DENND5B: variants seen among roughly 807,000 people sequenced by gnomAD.
DENND5B encodes the protein DENN domain containing 5B.
In DENND5B, 34 loss-of-function variants were observed where a neutral mutation model predicts 140.6. The observed-to-expected ratio is 0.24, with a 90% CI of 0.18 to 0.32. The LOEUF (loss-of-function observed/expected upper bound fraction) is 0.32, where lower values mean the gene tolerates loss of function less well. DENND5B is among the 10% of genes least tolerant of loss of function. The pLI, the probability that DENND5B is intolerant of heterozygous loss-of-function variation, is 1.00. For missense variants in DENND5B, 1,142 were observed against 1,560.2 expected (o/e 0.73, Z 4.52); for synonymous variants, 551 against 562.1 (o/e 0.98, Z 0.28).
At chr12:31,562,670 A>T (rs547124901) in intron 1 of DENND5B, among the ~76,000 whole-genome samples, 26 of 152,306 alleles carry the variant, frequency 1.7e-4, no homozygotes, top group South Asian at 1.2e-3. Flanking sequence ...GTTGTATACG[A>T]TCTGTGTAAT....
chr12:31,438,936 G>A (rs1565579068), intron 7 of DENND5B, among the ~76,000 whole-genome samples: 1 of 152,126 alleles, frequency 6.6e-6, no homozygotes, highest in Non-Finnish European at 1.5e-5. Context: ...GGCAGAAAAG[G>A]ATAAAGATTA....
chr12:31,509,645 A>ACAAAATATC lies in DENND5B; in HGVS notation c.128-13735_128-13727dup, dbSNP rs201538811. ...AATAAATAACTGGAAAAAATAGTGA[A>ACAAAATATC]CAAAATATCCAAAATAATCCTTGCT... On this transcript the variant is annotated intron_variant, in intron 1 of 20. Coordinates refer to ENST00000389082, the MANE Select transcript of DENND5B (RefSeq NM_144973.4). 9.9e-3 allele frequency among the ~76,000 whole-genome samples: 1,503 copies of ACAAAATATC among 152,326 alleles called. 27 individuals carry two copies. The highest frequency in any genetic ancestry group is 0.034 in the African/African-American group (1,418 of 41,562).
intron 3 of DENND5B, among the ~76,000 whole-genome samples, chr12:31,466,571 T>C (rs1945277806): frequency 6.6e-6 from 1 of 152,042 alleles, no homozygotes; most frequent in Non-Finnish European, 1.5e-5. Context: ...CATGCGCCTG[T>C]AGTCCCAGCT....
At position 31,386,431 on chromosome 12, in the gene DENND5B, G is replaced by C. The variant is rs1178479415; in HGVS notation, c.*1172C>G. 1 of 152,452 alleles carries C rather than the reference G, an allele frequency of 6.6e-6. No individual in the cohort carries two copies. The highest frequency in any genetic ancestry group is 2.4e-5 in the African/African-American group (1 of 41,446). The allele number at this position is 152,452 out of a possible 1,614,324, so 9.4% of individuals were successfully genotyped here. ...ATTTTGTCAGCCTGTGCTGCCAGTG[G>C]CTTTTAGCTTCTCTGGGTCAGTTGT... On this transcript the variant is annotated 3_prime_UTR_variant, in exon 21 of 21. Coordinates refer to ENST00000389082, the MANE Select transcript of DENND5B (RefSeq NM_144973.4).
At chr12:31,458,806 G>A (rs958918347) in intron 4 of DENND5B, among the ~76,000 whole-genome samples, 1 of 152,174 alleles carries the variant, frequency 6.6e-6, no homozygotes, top group South Asian at 2.1e-4. Context: ...GAATTAAATA[G>A]CTAGTGATAT....
intron 6 of DENND5B, among the ~76,000 whole-genome samples, chr12:31,445,702 C>CAA (rs11409295): frequency 3.2e-4 from 47 of 144,618 alleles, no homozygotes; most frequent in Middle Eastern, 3.7e-3. Flanking sequence ...GATTCTGTTT[C>CAA]AAAAAAAAAA....
At position 31,389,393 on chromosome 12, in the gene DENND5B, G is replaced by C. The variant is rs1266132093; in HGVS notation, c.3572C>G (p.Ala1191Gly). The C allele has an allele frequency of 1.6e-5, 26 of 1,613,396 alleles. No individual in the cohort carries two copies. Among genetic ancestry groups the C allele is most frequent in the Non-Finnish European group, 2.1e-5 (25 of 1,179,688 alleles). The change falls in exon 20 of 21, where the codon GCT (alanine) becomes GGT (glycine). Residue 1191 changes from alanine (A) to glycine (G), a missense_variant. Ala to Gly is a moderately conservative substitution (Grantham distance 60). Transcript: ENST00000389082. ...AATGTTCCTGGGTGCAGTATTAATA[G>C]CATTTACGTAGTGGCAGAAGGTTTT... Reference protein sequence around the residue: ...SCKTFCHYVNAINTAPRNIGK... With the variant: ...SCKTFCHYVNGINTAPRNIGK...
At chr12:31,498,972 C>A (rs1274619093) in intron 1 of DENND5B, among the ~76,000 whole-genome samples, 372 of 100,258 alleles carry the variant, frequency 3.7e-3, no homozygotes, top group East Asian at 6.3e-3. Flanking sequence ...GGCTCCGTCT[C>A]AAAAAAAAAA....
At chr12:31,507,944 T>C (rs1947266484) in intron 1 of DENND5B, among the ~76,000 whole-genome samples, 1 of 152,196 alleles carries the variant, frequency 6.6e-6, no homozygotes, top group Non-Finnish European at 1.5e-5. Flanking sequence ...CTTAAGTATT[T>C]ACCTTCTATG....
At chr12:31,424,270 C>A (rs1363550553) in intron 10 of DENND5B, among the ~76,000 whole-genome samples, 1 of 152,172 alleles carries the variant, frequency 6.6e-6, no homozygotes, top group East Asian at 1.9e-4. Context: ...GTGACAAAGG[C>A]AAACATTTAA....
chr12:31,502,344 T>C (rs534399440), intron 1 of DENND5B, among the ~76,000 whole-genome samples: 2 of 152,168 alleles, frequency 1.3e-5, no homozygotes, highest in South Asian at 2.1e-4. Context: ...AAAAACATTA[T>C]ATTCAATCTT....
At chr12:31,534,521 A>C (rs938768014) in intron 1 of DENND5B, among the ~76,000 whole-genome samples, 3 of 152,172 alleles carry the variant, frequency 2.0e-5, no homozygotes, top group Admixed American at 1.3e-4. Context: ...ATAATTAAAG[A>C]TATATCCAAA....
chr12:31,442,570 GTTTT>G (rs1271999360), intron 7 of DENND5B, among the ~76,000 whole-genome samples: 1 of 146,604 alleles, frequency 6.8e-6, no homozygotes, highest in South Asian at 2.2e-4. Context: ...TCTAGCCTTT[GTTTT>G]TTTCTTTTTT....
Position 31,423,717 on chromosome 12 carries a change from C to G in DENND5B, c.2392-42G>C, listed in dbSNP as rs1423215112. On this transcript the variant is annotated intron_variant, in intron 10 of 20. Transcript: ENST00000389082. ...TGTAAAAATTTCATAAGAAATAATT[C>G]ATCAAAAAATAATTTCTCATCCAAA... 3.8e-6 allele frequency: 6 copies of G among 1,578,706 alleles called. 1 individual carries two copies. In the South Asian group the frequency reaches 6.7e-5, roughly 18 times the overall value.
At chr12:31,498,499 A>C (rs1946871970) in intron 1 of DENND5B, among the ~76,000 whole-genome samples, 1 of 152,160 alleles carries the variant, frequency 6.6e-6, no homozygotes, top group Non-Finnish European at 1.5e-5. Context: ...AAGCCACAAA[A>C]CAGTAACAAA....
At chr12:31,389,520 A>G in intron 19 of DENND5B, 22 bp from the exon 20 acceptor site, 1 of 1,553,998 alleles carries the variant, frequency 6.4e-7, no homozygotes, top group Non-Finnish European at 8.7e-7. Context: ...AGTCAGAATT[A>G]TGTCACAATA....
chr12:31,586,716 G>GA, intron 1 of DENND5B, among the ~76,000 whole-genome samples: 1 of 152,200 alleles, frequency 6.6e-6, no homozygotes, highest in South Asian at 2.1e-4. Context: ...TGAATTCTAG[G>GA]AATATGCGTA....
In DENND5B at chr12:31,386,188, A is replaced by G. The variant is rs3741877; in HGVS notation, c.*1415T>C. The G allele has an allele frequency of 0.41, 63,015 of 154,576 alleles. 13,378 individuals carry two copies. The highest frequency in any genetic ancestry group is 0.57 in the East Asian group (2,952 of 5,154). The allele number at this position is 154,576 out of a possible 1,614,324, so 9.6% of individuals were successfully genotyped here. A position where few individuals can be genotyped will look rare whatever the true frequency, so the allele number is the denominator to read the frequency against. ...TACTGATGCCATGGCTTTGCTTTTC[A>G]GCCACAACTGGGAATAAAACTGGGA... On this transcript the variant is annotated 3_prime_UTR_variant, in exon 21 of 21. Coordinates refer to ENST00000389082, the MANE Select transcript of DENND5B (RefSeq NM_144973.4).
chr12:31,464,133 G>T (rs1945149726), intron 3 of DENND5B, among the ~76,000 whole-genome samples: 1 of 152,108 alleles, frequency 6.6e-6, no homozygotes, highest in Admixed American at 6.6e-5. Context: ...ATGTATAAAA[G>T]AAGTTATTTT....
Sources: gnomAD v4.1 joint callset for allele counts (sites outside exome capture counted in the v4.1 genomes callset) on GRCh38, gnomAD v4.1.1 for gene constraint, MANE v1.5 for transcripts, NCBI Gene and HGNC (gene_info 2026-07-23, HGNC 2026-07-21) for gene names.